The following SCAI variants were observed in gnomAD, a reference collection of about 807,000 sequenced individuals.
SCAI encodes protein SCAI.
SCAI carries 24 observed loss-of-function variants against 92.2 expected under a neutral mutation model. The observed-to-expected ratio is 0.26, with a 90% CI of 0.19 to 0.37. The LOEUF is 0.37. Ranked by LOEUF, SCAI falls within the 10% of genes least tolerant of loss-of-function variation. The pLI, the probability that SCAI is intolerant of heterozygous loss-of-function variation, is 1.00. For missense variants in SCAI, 450 were observed against 736.2 expected (o/e 0.61, Z 4.50); for synonymous variants, 261 against 258.6 (o/e 1.01, Z -0.09).
intron 17 of SCAI, among the ~76,000 whole-genome samples, chr9:124,965,942 G>A (rs1265324579): frequency 6.6e-6 from 1 of 152,126 alleles, no homozygotes; most frequent in Admixed American, 6.5e-5. Context: ...CAATTTACTG[G>A]AGAGACAAAC....
chr9:125,038,516 AAT>A (rs1444599919), intron 3 of SCAI, among the ~76,000 whole-genome samples: 20 of 152,308 alleles, frequency 1.3e-4, no homozygotes, highest in African/African-American at 3.6e-4. Flanking sequence ...ATGTTTTCTG[AAT>A]ATGTCTTCTT....
intron 2 of SCAI, among the ~76,000 whole-genome samples, chr9:125,116,100 G>T (rs946848994): frequency 1.3e-5 from 2 of 152,008 alleles, no homozygotes; most frequent in Admixed American, 6.5e-5. Context: ...CAGGAGAATC[G>T]CTTGAACCTG....
At position 125,029,760 on chromosome 9, in the gene SCAI, G is replaced by A. The variant is rs373374178; in HGVS notation, c.231-21C>T. The A allele has an allele frequency of 1.4e-5, 19 of 1,379,308 alleles. No individual in the cohort carries two copies. The East Asian group carries it at 1.4e-4, about 10-fold the overall frequency. The allele number at this position is 1,379,308 out of a possible 1,614,324, so 85.4% of individuals were successfully genotyped here. A position where few individuals can be genotyped will look rare whatever the true frequency, so the allele number is the denominator to read the frequency against. The stretch of plus-strand genomic sequence containing the variant: ...AATCTCTGTAATAGTAAATGAGTAT[G>A]TATTAATATTAAACTTCTTATTCTA... On this transcript the variant is annotated intron_variant, in intron 3 of 17. Transcript: ENST00000336505.
chr9:125,112,115 A>AT (rs1374988155), intron 2 of SCAI, among the ~76,000 whole-genome samples: 3 of 152,172 alleles, frequency 2.0e-5, no homozygotes, highest in African/African-American at 7.2e-5. Flanking sequence ...GAAAAACCTT[A>AT]TAATTCCCTG....
intron 2 of SCAI, among the ~76,000 whole-genome samples, chr9:125,070,524 G>C (rs546157483): frequency 2.7e-5 from 4 of 150,556 alleles, no homozygotes; most frequent in African/African-American, 9.8e-5. Context: ...CTCAGCCTCC[G>C]AGTAGCTGGG....
intron 3 of SCAI, among the ~76,000 whole-genome samples, chr9:125,033,937 A>C (rs1234036537): frequency 6.6e-6 from 1 of 152,208 alleles, no homozygotes. Context: ...TATATGAAGA[A>C]ATATCAATAT....
At chr9:124,972,799 C>T (rs1369280302) in intron 15 of SCAI, among the ~76,000 whole-genome samples, 2 of 152,172 alleles carry the variant, frequency 1.3e-5, no homozygotes, top group East Asian at 3.9e-4. Flanking sequence ...TCACAAAGTC[C>T]TGTTGGTTCT....
At chr9:124,983,933 C>G (rs1330571825) in intron 14 of SCAI, among the ~76,000 whole-genome samples, 1 of 152,118 alleles carries the variant, frequency 6.6e-6, no homozygotes, top group African/African-American at 2.4e-5. Context: ...CTGTGTTGTG[C>G]AGGAATTAAA....
intron 2 of SCAI, among the ~76,000 whole-genome samples, chr9:125,100,714 A>G (rs1335838812): frequency 6.6e-6 from 1 of 152,206 alleles, no homozygotes; most frequent in East Asian, 1.9e-4. Context: ...AGAAAAAGCA[A>G]GCAGACAAAG....
chr9:125,020,711 G>T lies in SCAI; in HGVS notation c.571C>A (p.Leu191Ile). 1 of 1,528,488 alleles carries T rather than the reference G, an allele frequency of 6.5e-7. No individual in the cohort carries two copies. The highest frequency in any genetic ancestry group is 8.9e-7 in the Non-Finnish European group (1 of 1,119,200). 94.7% of individuals were successfully genotyped at this position (1,528,488 alleles called of 1,614,324 possible). A position where few individuals can be genotyped will look rare whatever the true frequency, so the allele number is the denominator to read the frequency against. The change falls in exon 7 of 18, where the codon CTT (leucine) becomes ATT (isoleucine). Residue 191 changes from leucine (L) to isoleucine (I), a missense_variant. This residue lies in a region of SCAI where 360 missense variants were observed against 601.8 expected (regional missense o/e 0.60). Coordinates refer to ENST00000336505, the MANE Select transcript of SCAI (RefSeq NM_001144877.3). ...TTTACAACATCCATTTTGTTGAGAA[G>T]AAGACAAACTACTATAAATCTTGCA... Reference protein sequence around the residue: ...YYARFIVVCLLLNKMDVVKDL... With the variant: ...YYARFIVVCLILNKMDVVKDL...
rs1014383360 is a variant in SCAI at position 125,095,107 on chromosome 9, T to G, written c.99-39100A>C. ...TAGACATTACCTCTGCAGAGCTACC[T>G]TGCCCAAGGTCATGTGCTTCCCAAG... On this transcript the variant is annotated intron_variant, in intron 2 of 17. Transcript: ENST00000336505. Among the ~76,000 whole-genome samples, 8 of 152,320 alleles carry G rather than the reference T, an allele frequency of 5.3e-5. No homozygotes were observed. In the East Asian group the frequency reaches 1.5e-3, roughly 29 times the overall value.
intron 2 of SCAI, among the ~76,000 whole-genome samples, chr9:125,077,472 A>G (rs571603629): frequency 1.3e-5 from 2 of 152,178 alleles, no homozygotes; most frequent in Admixed American, 1.3e-4. Flanking sequence ...ACCTCCTAGT[A>G]GAATTGCTGG....
At chr9:125,082,551 T>A (rs555463149) in intron 2 of SCAI, among the ~76,000 whole-genome samples, 26 of 152,302 alleles carry the variant, frequency 1.7e-4, no homozygotes, top group African/African-American at 6.0e-4. Context: ...ACCATGCGCC[T>A]GGAAAATCTG....
intron 2 of SCAI, among the ~76,000 whole-genome samples, chr9:125,108,156 T>C: frequency 6.6e-6 from 1 of 152,268 alleles, no homozygotes; most frequent in Non-Finnish European, 1.5e-5. Context: ...CAGGCTGGAG[T>C]GCAGTGGCGT....
At chr9:125,003,037 T>G (rs1832398449) in intron 11 of SCAI, 77 bp downstream of exon 11, 1 of 903,826 alleles carries the variant, frequency 1.1e-6, no homozygotes, top group Admixed American at 2.2e-5. Flanking sequence ...CTTAAGTATT[T>G]TTTCAAAAGA....
chr9:125,128,348 G>C (rs1464038745), intron 2 of SCAI, among the ~76,000 whole-genome samples: 1 of 151,870 alleles, frequency 6.6e-6, no homozygotes, highest in East Asian at 1.9e-4. Flanking sequence ...GGCCGGGTGC[G>C]GTGGCCCACA....
At chr9:125,107,773 A>C (rs1834831526) in intron 2 of SCAI, among the ~76,000 whole-genome samples, 1 of 152,164 alleles carries the variant, frequency 6.6e-6, no homozygotes, top group South Asian at 2.1e-4. Context: ...ATCTCTAAAA[A>C]TAAATTTTAA....
intron 2 of SCAI, among the ~76,000 whole-genome samples, chr9:125,130,142 G>T (rs559902266): frequency 2.6e-5 from 4 of 151,472 alleles, no homozygotes; most frequent in Non-Finnish European, 5.9e-5. Flanking sequence ...CAGGTGATCC[G>T]CCCGCCTCGG....
At chr9:125,110,610 T>G (rs148314337) in intron 2 of SCAI, among the ~76,000 whole-genome samples, 26 of 152,268 alleles carry the variant, frequency 1.7e-4, no homozygotes, top group African/African-American at 5.5e-4. Context: ...TGAGATCTGG[T>G]TGCCTCCCCA....
Sources: allele counts gnomAD v4.1 joint callset (sites outside exome capture counted in the v4.1 genomes callset), GRCh38; gene constraint gnomAD v4.1.1; regional missense constraint gnomAD v4.1.1; transcripts MANE v1.5; gene names NCBI Gene and HGNC (gene_info 2026-07-23, HGNC 2026-07-21).